PDE8A: variants seen among roughly 807,000 people sequenced by gnomAD.
The protein encoded by PDE8A is high affinity cAMP-specific and IBMX-insensitive 3',5'-cyclic phosphodiesterase 8A.
Under a neutral mutation model 105.0 loss-of-function variants are expected in PDE8A, and 59 were observed. That is an observed-to-expected ratio of 0.56 (90% CI 0.46 to 0.70). The LOEUF (loss-of-function observed/expected upper bound fraction) is 0.70, where lower values mean the gene tolerates loss of function less well. Ranked by LOEUF, PDE8A falls within the 30% of genes least tolerant of loss-of-function variation. PDE8A has a pLI of 0.00. For missense variants in PDE8A, 1,014 were observed against 1,045.9 expected (o/e 0.97, Z 0.42); for synonymous variants, 355 against 371.9 (o/e 0.95, Z 0.52).
intron 8 of PDE8A, among the ~76,000 whole-genome samples, chr15:85,091,901 C>CTT (rs563631633): frequency 0.21 from 18,281 of 87,718 alleles, 2,532 homozygotes; most frequent in African/African-American, 0.36. Context: ...TTCTGCTGGA[C>CTT]TTTTTTTTTT....
At chr15:85,054,773 A>G (rs1358601543) in intron 1 of PDE8A, among the ~76,000 whole-genome samples, 1 of 152,072 alleles carries the variant, frequency 6.6e-6, no homozygotes, top group East Asian at 1.9e-4. Context: ...TCCTGGATTC[A>G]TTGATTTTTT....
At chr15:84,981,272 T>G (rs552864991), upstream of PDE8A, among the ~76,000 whole-genome samples, 65 of 151,992 alleles carry the variant, frequency 4.3e-4, no homozygotes, top group Middle Eastern at 3.4e-3. Context: ...GCGGGCGGCG[T>G]CCGGAGGAGG....
chr15:85,101,007 T>TA (rs1166392959), intron 11 of PDE8A, among the ~76,000 whole-genome samples: 2 of 152,230 alleles, frequency 1.3e-5, no homozygotes, highest in Non-Finnish European at 2.9e-5. Context: ...TGTGAGCACT[T>TA]AATGTGTACA....
chr15:85,063,536 A>G (rs912586214), intron 1 of PDE8A: 3 of 152,176 alleles, frequency 2.0e-5, no homozygotes, highest in Non-Finnish European at 2.9e-5. Flanking sequence ...GGCTATTCAA[A>G]TCTTCTGGTG....
chr15:84,985,713 A>T (rs1304189229), intron 1 of PDE8A, among the ~76,000 whole-genome samples: 2 of 152,184 alleles, frequency 1.3e-5, no homozygotes, highest in African/African-American at 4.8e-5. Flanking sequence ...GGCCTTCCGT[A>T]AACGTATGTT....
At chr15:84,993,703 GA>G (rs1306508156) in intron 1 of PDE8A, among the ~76,000 whole-genome samples, 7 of 151,470 alleles carry the variant, frequency 4.6e-5, no homozygotes, top group Non-Finnish European at 8.8e-5. Context: ...AACATAGTAA[GA>G]CCCCCATTCT....
At chr15:85,113,773 G>A (rs968080048) in intron 13 of PDE8A, 100 bp from the exon 14 acceptor site, 37 of 894,658 alleles carry the variant, frequency 4.1e-5, no homozygotes, top group Non-Finnish European at 5.7e-5. Context: ...TCCCACCTCA[G>A]CCTCCTGAGT....
intron 20 of PDE8A, among the ~76,000 whole-genome samples, chr15:85,132,795 T>C (rs530368550): frequency 6.6e-6 from 1 of 152,182 alleles, no homozygotes; most frequent in Non-Finnish European, 1.5e-5. Context: ...TTTGCTGATA[T>C]TCTCACTGTG....
intron 5 of PDE8A, among the ~76,000 whole-genome samples, chr15:85,082,671 T>C (rs745703449): frequency 6.6e-6 from 1 of 152,254 alleles, no homozygotes; most frequent in Non-Finnish European, 1.5e-5. Flanking sequence ...ATGCAGAGGC[T>C]CTGCCTCTTA....
intron 14 of PDE8A, 161 bp from the exon 15 acceptor site, chr15:85,115,278 G>C: frequency 3.4e-6 from 2 of 581,696 alleles, no homozygotes; most frequent in Middle Eastern, 3.1e-4. Context: ...ACTGAGGTCA[G>C]TGGTCAATCA....
At chr15:85,124,182 C>T (rs551687049) in intron 19 of PDE8A, among the ~76,000 whole-genome samples, 1 of 152,170 alleles carries the variant, frequency 6.6e-6, no homozygotes. Flanking sequence ...AACCCTCTCA[C>T]CAGGCAGGAG....
chr15:85,083,167 A>G (rs1055128407), intron 5 of PDE8A, among the ~76,000 whole-genome samples: 5 of 152,234 alleles, frequency 3.3e-5, no homozygotes, highest in African/African-American at 1.2e-4. Flanking sequence ...CGGACCAAAT[A>G]CTGTTGTTGA....
At chr15:85,091,286 C>T in intron 8 of PDE8A, 105 bp downstream of exon 8, 5 of 1,032,510 alleles carry the variant, frequency 4.8e-6, no homozygotes, top group Non-Finnish European at 6.9e-6. Flanking sequence ...CTCCTCCCAG[C>T]AGCCCAGGGA....
chr15:85,043,057 A>G (rs1312392927), intron 1 of PDE8A, among the ~76,000 whole-genome samples: 1 of 150,258 alleles, frequency 6.7e-6, no homozygotes, highest in Non-Finnish European at 1.5e-5. Flanking sequence ...GTGATCAGGT[A>G]TGCAGGCAAA....
chr15:85,136,445 C>A (rs1338864186), intron 20 of PDE8A, 89 bp from the exon 21 acceptor site: 2 of 1,414,256 alleles, frequency 1.4e-6, no homozygotes, highest in Non-Finnish European at 1.9e-6. Context: ...CTTAGGCTGC[C>A]AGGAGAAGCT....
At chr15:85,100,092 C>T in intron 10 of PDE8A, 26 bp downstream of exon 10, 1 of 1,612,810 alleles carries the variant, frequency 6.2e-7, no homozygotes, top group South Asian at 1.1e-5. Flanking sequence ...CCCCCGGGGC[C>T]CCAGGAACAC....
intron 3 of PDE8A, among the ~76,000 whole-genome samples, chr15:85,070,776 G>A (rs552832951): frequency 6.6e-6 from 1 of 152,314 alleles, no homozygotes; most frequent in African/African-American, 2.4e-5. Flanking sequence ...CTACCCCGTA[G>A]GTAGTTGAAA....
chr15:85,076,280 A>G (rs1416905538), intron 4 of PDE8A, among the ~76,000 whole-genome samples: 2 of 152,200 alleles, frequency 1.3e-5, no homozygotes, highest in African/African-American at 4.8e-5. Context: ...GTAAGGAAAG[A>G]AGAGAAATAT....
At position 85,067,021 on chromosome 15, in the gene PDE8A, T is replaced by C. The variant is rs1367980200; in HGVS notation, c.251T>C (p.Leu84Ser). 1 of 1,598,692 alleles carries C rather than the reference T, an allele frequency of 6.3e-7. No individual in the cohort carries two copies. The highest frequency in any genetic ancestry group is 1.3e-5 in the African/African-American group (1 of 74,160). Residue 84 changes from leucine (L) to serine (S), a missense_variant, in exon 3 of 22, where the codon TTA (leucine) becomes TCA (serine). Physicochemically the swap from Leu to Ser is moderately radical, Grantham distance 145. Coordinates refer to ENST00000394553, the MANE Select transcript of PDE8A (RefSeq NM_002605.3). ...RFHQDQLQVL[L>S]VFTKEDNQCN... The stretch of plus-strand genomic sequence containing the variant: ...TGTGCTCTTTTGATTCAGGTACTTT[T>C]AGTGTTTACCAAAGAAGATAACCAA...
Sources: allele counts gnomAD v4.1 joint callset (sites outside exome capture counted in the v4.1 genomes callset), GRCh38; gene constraint gnomAD v4.1.1; transcripts MANE v1.5; gene names NCBI Gene and HGNC (gene_info 2026-07-23, HGNC 2026-07-21).